SUGCT: variants seen among roughly 807,000 people sequenced by gnomAD.
SUGCT encodes the protein succinyl-CoA:glutarate-CoA transferase.
SUGCT carries 41 observed loss-of-function variants against 55.0 expected under a neutral mutation model. That is an observed-to-expected ratio of 0.74 (90% CI 0.58 to 0.97). The LOEUF (loss-of-function observed/expected upper bound fraction) is 0.97. SUGCT is among the 50% of genes least tolerant of loss of function. The pLI is 0.00. For synonymous variants in SUGCT, 187 were observed against 200.4 expected, an observed-to-expected ratio of 0.93 and a Z score of 0.56; for missense variants, 568 against 547.8, an observed-to-expected ratio of 1.04 and a Z score of -0.37.
At chr7:40,563,800 A>G (rs978303096) in intron 12 of SUGCT, among the ~76,000 whole-genome samples, 5 of 152,062 alleles carry the variant, frequency 3.3e-5, no homozygotes, top group African/African-American at 4.8e-5. Flanking sequence ...AAGTGAAAGC[A>G]ATACTCCTTC....
At position 40,405,758 on chromosome 7, in the gene SUGCT, G is replaced by A. The variant is rs766966010; in HGVS notation, c.817-43529G>A. Among the ~76,000 whole-genome samples the A allele has an allele frequency of 7.8e-4, 117 of 149,600 alleles. 1 individual carries two copies. The highest frequency in any genetic ancestry group is 1.8e-3 in the Admixed American group (27 of 14,916). ...CTGGGAGGCAGAGGTTGCAGTGAGC[G>A]GAGATAGCGCCACTGTACTCTACCT... is the stretch of plus-strand genomic sequence containing the variant. On this transcript the variant is annotated intron_variant, in intron 9 of 13. Transcript: ENST00000335693.
At chr7:40,286,557 G>A (rs1353015603) in intron 8 of SUGCT, among the ~76,000 whole-genome samples, 1 of 152,164 alleles carries the variant, frequency 6.6e-6, no homozygotes, top group African/African-American at 2.4e-5. Flanking sequence ...CCTACCACAG[G>A]TGGTAATAAG....
chr7:40,434,762 C>T (rs1398459142), intron 9 of SUGCT, among the ~76,000 whole-genome samples: 1 of 152,186 alleles, frequency 6.6e-6, no homozygotes, highest in East Asian at 1.9e-4. Flanking sequence ...TGGAATATGG[C>T]AGTCTCCTCA....
intron 12 of SUGCT, among the ~76,000 whole-genome samples, chr7:40,517,817 A>G (rs936314700): frequency 1.3e-5 from 2 of 152,110 alleles, no homozygotes; most frequent in African/African-American, 4.8e-5. Flanking sequence ...TCATGCTGTC[A>G]TTCTGGAAGT....
chr7:40,421,779 G>A (rs1033124667), intron 9 of SUGCT, among the ~76,000 whole-genome samples: 12 of 152,128 alleles, frequency 7.9e-5, no homozygotes, highest in East Asian at 1.9e-4. Flanking sequence ...AGTCTCCAGC[G>A]CTGATACTTG....
At chr7:40,926,715 G>A in the SUGCT span, among the ~76,000 whole-genome samples, 5 of 152,178 alleles carry the variant, frequency 3.3e-5, no homozygotes, top group African/African-American at 1.2e-4. Flanking sequence ...GCCTCAGCCA[G>A]GAAGGGAACC....
At chr7:40,970,385 T>C in the SUGCT span, among the ~76,000 whole-genome samples, 1 of 152,208 alleles carries the variant, frequency 6.6e-6, no homozygotes, top group African/African-American at 2.4e-5. Flanking sequence ...TTAGCCAGGC[T>C]GGTCTTGAAC....
At chr7:40,210,177 C>A (rs1409300647) in intron 6 of SUGCT, among the ~76,000 whole-genome samples, 1 of 151,952 alleles carries the variant, frequency 6.6e-6, no homozygotes, top group African/African-American at 2.4e-5. Context: ...TCCCGAGTAG[C>A]TGGGATTACA....
intron 1 of SUGCT, among the ~76,000 whole-genome samples, chr7:40,178,107 C>G (rs532126548): frequency 6.6e-6 from 1 of 152,140 alleles, no homozygotes; most frequent in Non-Finnish European, 1.5e-5. Context: ...TCATATACTG[C>G]GGTTGGTTGA....
At chr7:40,387,543 A>C (rs1440735539) in intron 9 of SUGCT, among the ~76,000 whole-genome samples, 1 of 152,120 alleles carries the variant, frequency 6.6e-6, no homozygotes, top group Non-Finnish European at 1.5e-5. Flanking sequence ...TGTTATATGG[A>C]ATGGTTATCT....
At chr7:41,031,072 C>G in the SUGCT span, among the ~76,000 whole-genome samples, 2 of 152,148 alleles carry the variant, frequency 1.3e-5, no homozygotes, top group African/African-American at 2.4e-5. Context: ...AGTGATCTTC[C>G]CACTTCAGCT....
At chr7:40,944,194 G>A in the SUGCT span, among the ~76,000 whole-genome samples, 8 of 151,984 alleles carry the variant, frequency 5.3e-5, no homozygotes, top group South Asian at 2.1e-4. Flanking sequence ...TTTGTCAGAT[G>A]AGTAGGTTGT....
downstream of SUGCT, among the ~76,000 whole-genome samples, chr7:40,863,520 G>C (rs1003532236): frequency 1.3e-5 from 2 of 152,202 alleles, no homozygotes; most frequent in South Asian, 2.1e-4. Flanking sequence ...TAAAGAGTCT[G>C]AGAGTGAAGG....
chr7:40,757,761 C>T (rs569042596), intron 13 of SUGCT, among the ~76,000 whole-genome samples: 51 of 152,164 alleles, frequency 3.4e-4, no homozygotes, highest in African/African-American at 1.2e-3. Flanking sequence ...TAAAAAGCCA[C>T]AGGAAGAGTA....
intron 1 of SUGCT, among the ~76,000 whole-genome samples, chr7:40,146,060 C>T (rs1016294660): frequency 2.7e-5 from 4 of 150,678 alleles, no homozygotes; most frequent in Admixed American, 6.6e-5. Flanking sequence ...AGAATAGCCT[C>T]ATACTTTAAG....
intron 9 of SUGCT, among the ~76,000 whole-genome samples, chr7:40,318,504 T>C (rs999383162): frequency 2.0e-5 from 3 of 152,258 alleles, no homozygotes; most frequent in African/African-American, 7.2e-5. Context: ...TGGCACGATC[T>C]CAGCTCCCTG....
intron 8 of SUGCT, among the ~76,000 whole-genome samples, chr7:40,279,532 T>A (rs1394800243): frequency 6.6e-6 from 1 of 152,206 alleles, no homozygotes; most frequent in Non-Finnish European, 1.5e-5. Flanking sequence ...ATGAAGGATG[T>A]GAAAAATACT....
the SUGCT span, among the ~76,000 whole-genome samples, chr7:40,871,309 C>A: frequency 1.3e-5 from 2 of 152,200 alleles, no homozygotes; most frequent in Non-Finnish European, 2.9e-5. Flanking sequence ...AATCAACTAG[C>A]ATGCTACATG....
At chr7:40,189,995 A>G (rs1159988330) in intron 5 of SUGCT, among the ~76,000 whole-genome samples, 1 of 152,154 alleles carries the variant, frequency 6.6e-6, no homozygotes, top group Admixed American at 6.6e-5. Context: ...AAAAGCTGAC[A>G]TTTGGATCTG....
Sources: allele counts gnomAD v4.1 joint callset (sites outside exome capture counted in the v4.1 genomes callset), GRCh38; gene constraint gnomAD v4.1.1; transcripts MANE v1.5; gene names NCBI Gene and HGNC (gene_info 2026-07-23, HGNC 2026-07-21).